The following PCDHA9 variants were observed in gnomAD, a reference collection of about 807,000 sequenced individuals.
The protein encoded by PCDHA9 is protocadherin alpha-9.
PCDHA9 carries 62 observed loss-of-function variants against 62.0 expected under a neutral mutation model. The observed-to-expected ratio is 1.00, with a 90% CI of 0.81 to 1.23. The LOEUF (loss-of-function observed/expected upper bound fraction) is 1.23, where lower values mean the gene tolerates loss of function less well. Among genes scored for constraint, PCDHA9 ranks in the 50% most tolerant of loss-of-function variants. The pLI, the probability that PCDHA9 is intolerant of heterozygous loss-of-function variation, is 0.00. For synonymous variants in PCDHA9, 557 were observed against 567.6 expected, an observed-to-expected ratio of 0.98 and a Z score of 0.27; for missense variants, 1,205 against 1,249.8, an observed-to-expected ratio of 0.96 and a Z score of 0.54.
intron 1 of PCDHA9, among the ~76,000 whole-genome samples, chr5:140,880,163 AGAAGTTAAACAT>A (rs2058253523): frequency 6.6e-6 from 1 of 152,260 alleles, no homozygotes; most frequent in Admixed American, 6.5e-5. Flanking sequence ...AGTATATGTT[AGAAGTTAAACAT>A]GAAGGGAAAA....
intron 1 of PCDHA9, chr5:140,968,130 T>C: frequency 6.2e-7 from 1 of 1,614,114 alleles, no homozygotes; most frequent in Non-Finnish European, 8.5e-7. Flanking sequence ...CTGCGTACAC[T>C]GAAGGTTGAG....
intron 1 of PCDHA9, chr5:140,883,600 G>A (rs2059695358): frequency 6.2e-7 from 1 of 1,613,890 alleles, no homozygotes; most frequent in Non-Finnish European, 8.5e-7. Flanking sequence ...TGTCGGTGGG[G>A]GTGGCCGACG....
chr5:140,977,665 A>G (rs1554238741), intron 1 of PCDHA9, among the ~76,000 whole-genome samples: 1 of 152,202 alleles, frequency 6.6e-6, no homozygotes, highest in Non-Finnish European at 1.5e-5. Flanking sequence ...AATTCTCTGC[A>G]TGCCAAATAT....
intron 1 of PCDHA9, among the ~76,000 whole-genome samples, chr5:140,917,749 C>G (rs2078340847): frequency 6.6e-6 from 1 of 152,144 alleles, no homozygotes; most frequent in African/African-American, 2.4e-5. Flanking sequence ...TCCCATTGGT[C>G]TATGTGTCTG....
At chr5:140,968,150 A>G (rs1554230413) in intron 1 of PCDHA9, 2 of 1,614,180 alleles carry the variant, frequency 1.2e-6, no homozygotes, top group Admixed American at 1.7e-5. Flanking sequence ...GATCTCTGAC[A>G]TCAATGACAA....
chr5:140,878,938 A>G (rs1413471911), intron 1 of PCDHA9, among the ~76,000 whole-genome samples: 1 of 152,226 alleles, frequency 6.6e-6, no homozygotes, highest in African/African-American at 2.4e-5. Flanking sequence ...TTTTAAATAA[A>G]TATATGGTAT....
intron 1 of PCDHA9, among the ~76,000 whole-genome samples, chr5:140,885,682 A>G (rs1367880744): frequency 6.6e-6 from 1 of 152,194 alleles, no homozygotes; most frequent in Non-Finnish European, 1.5e-5. Flanking sequence ...TTCTATCTCA[A>G]GAAGCAATAG....
intron 1 of PCDHA9, among the ~76,000 whole-genome samples, chr5:140,935,909 T>C (rs1452831803): frequency 6.6e-6 from 1 of 151,600 alleles, no homozygotes; most frequent in African/African-American, 2.4e-5. Flanking sequence ...TTTTTTTTTT[T>C]TGAGACAGAT....
chr5:140,928,712 GT>G (rs782592622), intron 1 of PCDHA9: 1 of 1,614,168 alleles, frequency 6.2e-7, no homozygotes, highest in Non-Finnish European at 8.5e-7. Context: ...TCTGACTCTA[GT>G]CTCTTTAGAA....
intron 1 of PCDHA9, among the ~76,000 whole-genome samples, chr5:140,879,326 T>C (rs1554170752): frequency 6.6e-6 from 1 of 152,232 alleles, no homozygotes. Flanking sequence ...CTCACTTTTT[T>C]AGTTTGTTCA....
At chr5:140,967,697 G>A (rs1554229803) in intron 1 of PCDHA9, 1 of 1,614,196 alleles carries the variant, frequency 6.2e-7, no homozygotes, top group Admixed American at 1.7e-5. Flanking sequence ...CTTCAGCATA[G>A]ATGCCAGTAC....
intron 1 of PCDHA9, among the ~76,000 whole-genome samples, chr5:140,935,731 T>C (rs923257790): frequency 2.6e-5 from 4 of 152,202 alleles, no homozygotes; most frequent in Non-Finnish European, 4.4e-5. Context: ...AGAAGTCTAG[T>C]ATCTATTATT....
chr5:140,959,163 C>T (rs246007), intron 1 of PCDHA9, among the ~76,000 whole-genome samples: 85,446 of 151,632 alleles, frequency 0.56, 24,671 homozygotes, highest in African/African-American at 0.69. Context: ...GATTGCTTGA[C>T]CCCAGGAGTT....
intron 1 of PCDHA9, chr5:140,875,983 G>A: frequency 6.2e-7 from 1 of 1,613,992 alleles, no homozygotes; most frequent in Non-Finnish European, 8.5e-7. Context: ...TTTGACCTAT[G>A]CGTTAAGTCT....
chr5:140,869,943 C>T (rs781893563), intron 1 of PCDHA9: 10 of 1,612,248 alleles, frequency 6.2e-6, no homozygotes, highest in Non-Finnish European at 7.6e-6. Context: ...TAACATACTC[C>T]TTAATGTCAA....
chr5:140,875,832 C>T, intron 1 of PCDHA9: 1 of 1,614,086 alleles, frequency 6.2e-7, no homozygotes, highest in Middle Eastern at 1.6e-4. Flanking sequence ...TCCATGTGGA[C>T]GTGGAGGTGA....
At position 140,869,590 on chromosome 5, in the gene PCDHA9, G is replaced by A. The variant is rs372301742; in HGVS notation, c.2394+18701G>A. 61 of 1,613,984 alleles carry A rather than the reference G, an allele frequency of 3.8e-5. No individual in the cohort carries two copies. The highest frequency in any genetic ancestry group is 4.9e-5 in the Non-Finnish European group (58 of 1,180,038). ...AGAGGGAGCTTCTGATGCTGACATT[G>A]AAGAGAATGCTCTATTGACCTACAG... On this transcript the variant is annotated intron_variant, in intron 1 of 3. Coordinates refer to ENST00000532602, the MANE Select transcript of PCDHA9 (RefSeq NM_031857.2).
chr5:140,944,255 A>G (rs1266795910), intron 1 of PCDHA9, among the ~76,000 whole-genome samples: 5 of 152,098 alleles, frequency 3.3e-5, no homozygotes, highest in African/African-American at 1.2e-4. Context: ...TGATGTGATC[A>G]CTGCTCACTG....
At chr5:140,907,847 C>T (rs1332235262) in intron 1 of PCDHA9, among the ~76,000 whole-genome samples, 15 of 152,232 alleles carry the variant, frequency 9.9e-5, no homozygotes, top group African/African-American at 3.6e-4. Flanking sequence ...TAAAATCCTC[C>T]TCTGCTGAGG....
Sources: gnomAD v4.1 joint callset for allele counts (sites outside exome capture counted in the v4.1 genomes callset) on GRCh38, gnomAD v4.1.1 for gene constraint, MANE v1.5 for transcripts, NCBI Gene and HGNC (gene_info 2026-07-23, HGNC 2026-07-21) for gene names.